The following CFAP299 variants were observed in gnomAD, a reference collection of about 807,000 sequenced individuals.
CFAP299 encodes cilia- and flagella-associated protein 299.
A neutral mutation model predicts 27.0 loss-of-function variants in CFAP299; 21 were observed. The observed-to-expected ratio is 0.78, with a 90% CI of 0.55 to 1.12. The LOEUF (loss-of-function observed/expected upper bound fraction) is 1.12, where lower values mean the gene tolerates loss of function less well. Among genes scored for constraint, CFAP299 ranks in the 50% most tolerant of loss-of-function variants. The pLI is 0.00. For missense variants in CFAP299, 310 were observed against 276.6 expected, an observed-to-expected ratio of 1.12 and a Z score of -0.86; for synonymous variants, 104 against 98.1, an observed-to-expected ratio of 1.06 and a Z score of -0.36.
intron 3 of CFAP299, among the ~76,000 whole-genome samples, chr4:80,703,679 A>G (rs564701145): frequency 6.6e-5 from 10 of 151,820 alleles, no homozygotes; most frequent in African/African-American, 2.2e-4. Flanking sequence ...AGCCCTCTAT[A>G]CAATATACTA....
intron 2 of CFAP299, among the ~76,000 whole-genome samples, chr4:80,389,951 A>G (rs563761310): frequency 6.6e-6 from 1 of 152,300 alleles, no homozygotes; most frequent in Admixed American, 6.5e-5. Context: ...CAGTTTAATA[A>G]TTGACAACCA....
chr4:80,937,450 G>A (rs1173957407), intron 4 of CFAP299, among the ~76,000 whole-genome samples: 1 of 149,820 alleles, frequency 6.7e-6, no homozygotes, highest in Non-Finnish European at 1.5e-5. Flanking sequence ...CTGAGTTTCT[G>A]GGGCTACAGT....
chr4:80,618,020 G>T lies in CFAP299; in HGVS notation c.333+34837G>T, dbSNP rs561133125. 4.2e-4 allele frequency among the ~76,000 whole-genome samples: 64 copies of T among 152,150 alleles called. 1 individual carries two copies. In the South Asian group the frequency reaches 0.012, roughly 30 times the overall value. On this transcript the variant is annotated intron_variant, in intron 3 of 5. Transcript: ENST00000358105. ...GGAAAAGAAACTAACCATCAAAATT[G>T]GAGGAATAAAAGAAAAATTTGTGAT...
intron 1 of CFAP299, among the ~76,000 whole-genome samples, chr4:80,352,035 T>TA: frequency 6.6e-6 from 1 of 152,036 alleles, no homozygotes; most frequent in East Asian, 1.9e-4. Context: ...TCAGGCAAAG[T>TA]AGACCTCAGA....
intron 2 of CFAP299, among the ~76,000 whole-genome samples, chr4:80,369,076 G>A (rs142464315): frequency 6.6e-6 from 1 of 152,176 alleles, no homozygotes; most frequent in Non-Finnish European, 1.5e-5. Flanking sequence ...ATCCCACATG[G>A]GATGAAATAG....
At chr4:80,757,492 C>T (rs1036741974) in intron 3 of CFAP299, among the ~76,000 whole-genome samples, 1 of 152,122 alleles carries the variant, frequency 6.6e-6, no homozygotes, top group East Asian at 1.9e-4. Context: ...TTTCTGACAG[C>T]TAACATGTTT....
At chr4:80,335,537 C>G (rs565437476), upstream of CFAP299, among the ~76,000 whole-genome samples, 3 of 152,296 alleles carry the variant, frequency 2.0e-5, no homozygotes, top group Non-Finnish European at 2.9e-5. Context: ...CAACAGTTCA[C>G]TGAAGCCTGA....
intron 2 of CFAP299, among the ~76,000 whole-genome samples, chr4:80,560,560 C>T (rs1451257477): frequency 2.0e-5 from 3 of 152,040 alleles, no homozygotes; most frequent in Non-Finnish European, 2.9e-5. Context: ...TCTGAACCTG[C>T]CCTAGGCCAG....
chr4:80,615,357 ATGTAT>A (rs1299961502), intron 3 of CFAP299, among the ~76,000 whole-genome samples: 1 of 152,164 alleles, frequency 6.6e-6, no homozygotes, highest in East Asian at 1.9e-4. Flanking sequence ...GTAAATAACA[ATGTAT>A]TTACTTTTTC....
chr4:80,745,835 T>G (rs748507086), intron 3 of CFAP299, among the ~76,000 whole-genome samples: 1 of 152,094 alleles, frequency 6.6e-6, no homozygotes, highest in Non-Finnish European at 1.5e-5. Context: ...TCTCAGACTT[T>G]CCTTGCTTTT....
In CFAP299 at chr4:80,924,553, T is replaced by G. The variant is rs1736214066; in HGVS notation, c.477-20257T>G. ...GTGTGTGTGTGTATATATATATATA[T>G]ATATATATATCTGTGTCTGTAATTT... On this transcript the variant is annotated intron_variant, in intron 4 of 5. Coordinates refer to ENST00000358105, the MANE Select transcript of CFAP299 (RefSeq NM_152770.3). Among the ~76,000 whole-genome samples, 5 of 149,272 alleles carry G rather than the reference T, an allele frequency of 3.3e-5. No homozygotes were observed. In the South Asian group the frequency reaches 1.0e-3, roughly 31 times the overall value.
Position 80,871,073 on chromosome 4 carries a change from C to A in CFAP299, c.476+938C>A, listed in dbSNP as rs778662111. 26 of 465,076 alleles carry A rather than the reference C, an allele frequency of 5.6e-5. 1 individual carries two copies. The highest frequency in any genetic ancestry group is 7.3e-5 in the Non-Finnish European group (26 of 354,730). The allele number at this position is 465,076 out of a possible 1,614,324, so 28.8% of individuals were successfully genotyped here. On this transcript the variant is annotated intron_variant, in intron 4 of 5. Transcript: ENST00000358105. ...AGGCACATACCACCACGTCTGGATA[C>A]TTTTTGTATTTTTAGTAGAGACAGG...
At chr4:80,874,224 A>G (rs76733590) in intron 4 of CFAP299, among the ~76,000 whole-genome samples, 2,721 of 152,286 alleles carry the variant, frequency 0.018, 84 homozygotes, top group African/African-American at 0.062. Context: ...GTTCATTAGA[A>G]TATTAGTTTA....
chr4:80,519,772 C>A (rs1372272432), intron 2 of CFAP299, among the ~76,000 whole-genome samples: 1 of 152,094 alleles, frequency 6.6e-6, no homozygotes, highest in Non-Finnish European at 1.5e-5. Context: ...TTTCAGTAGA[C>A]CATGGCCAAA....
intron 2 of CFAP299, among the ~76,000 whole-genome samples, chr4:80,472,044 T>G (rs1730024932): frequency 6.6e-6 from 1 of 152,234 alleles, no homozygotes; most frequent in Non-Finnish European, 1.5e-5. Flanking sequence ...ATCTCACTCA[T>G]TTTAGAAAGT....
intron 2 of CFAP299, chr4:80,388,375 A>G (rs1426125930): frequency 7.3e-6 from 5 of 682,840 alleles, no homozygotes; most frequent in South Asian, 6.5e-5. Context: ...AGATCTGGCA[A>G]TTGGCAGGAG....
chr4:80,635,797 G>A (rs1394333958), intron 3 of CFAP299, among the ~76,000 whole-genome samples: 1 of 152,012 alleles, frequency 6.6e-6, no homozygotes, highest in African/African-American at 2.4e-5. Flanking sequence ...AGTGGTAGCT[G>A]GCATTTATTT....
chr4:80,581,171 G>GTAGAAGCTGGATAAGTGAT (rs1736142603), intron 2 of CFAP299, among the ~76,000 whole-genome samples: 1 of 151,610 alleles, frequency 6.6e-6, no homozygotes, highest in African/African-American at 2.4e-5. Flanking sequence ...AGGAAATTAG[G>GTAGAAGCTGGATAAGTGAT]TAGAAGCTGG....
intron 3 of CFAP299, among the ~76,000 whole-genome samples, chr4:80,733,032 TATC>T (rs1370303946): frequency 6.6e-6 from 1 of 152,138 alleles, no homozygotes; most frequent in Non-Finnish European, 1.5e-5. Flanking sequence ...TACTGTTGCT[TATC>T]ATCTGTATGT....
Sources: gnomAD v4.1 joint callset for allele counts (sites outside exome capture counted in the v4.1 genomes callset) on GRCh38, gnomAD v4.1.1 for gene constraint, MANE v1.5 for transcripts, NCBI Gene and HGNC (gene_info 2026-07-23, HGNC 2026-07-21) for gene names.